SGCD: variants seen among roughly 807,000 people sequenced by gnomAD.
The protein encoded by SGCD is delta-sarcoglycan.
Under a neutral mutation model 36.6 loss-of-function variants are expected in SGCD, and 18 were observed. The ratio of observed to expected loss-of-function variants is 0.49; its 90% CI spans 0.34 to 0.73. The LOEUF (loss-of-function observed/expected upper bound fraction) is 0.73. Among genes scored for constraint, SGCD ranks in the 30% least tolerant of loss-of-function variants. SGCD has a pLI of 0.01. For missense variants in SGCD, 387 were observed against 346.7 expected (o/e 1.12, Z -0.92); for synonymous variants, 133 against 130.6 (o/e 1.02, Z -0.12).
chr5:156,441,273 G>A lies in SGCD; in HGVS notation c.193-67328G>A, dbSNP rs139700196. Among the ~76,000 whole-genome samples, 182 of 152,196 alleles carry A rather than the reference G, an allele frequency of 1.2e-3. 1 individual carries two copies. The highest frequency in any genetic ancestry group is 4.2e-3 in the African/African-American group (176 of 41,516). ...ATTGGTCATAGACACAGCGTTGGAG[G>A]CAAATAGACCTGAGTTTCAATCCAG... On this transcript the variant is annotated intron_variant, in intron 3 of 8. Coordinates refer to ENST00000337851, the MANE Select transcript of SGCD (RefSeq NM_000337.6).
intron 6 of SGCD, among the ~76,000 whole-genome samples, chr5:156,636,591 G>A (rs1439448290): frequency 6.6e-6 from 1 of 152,144 alleles, no homozygotes; most frequent in Non-Finnish European, 1.5e-5. Flanking sequence ...GATGGAAGTG[G>A]CATTTGACCT....
intron 7 of SGCD, among the ~76,000 whole-genome samples, chr5:156,726,985 A>G (rs1307966545): frequency 1.3e-5 from 2 of 152,336 alleles, no homozygotes; most frequent in East Asian, 1.9e-4. Flanking sequence ...ATTTAGTACT[A>G]TGGTAACACA....
At chr5:155,802,898 C>T in the SGCD span, among the ~76,000 whole-genome samples, 1 of 152,112 alleles carries the variant, frequency 6.6e-6, no homozygotes, top group Admixed American at 6.5e-5. Flanking sequence ...AATCAGTCTC[C>T]TTTGGGAGAA....
At chr5:156,198,836 G>T (rs192358169) in intron 3 of SGCD, among the ~76,000 whole-genome samples, 83 of 151,988 alleles carry the variant, frequency 5.5e-4, no homozygotes, top group African/African-American at 2.0e-3. Flanking sequence ...GGACTTTCCA[G>T]CCAATGGTGG....
chr5:156,127,459 G>T (rs1459417431), intron 3 of SGCD, among the ~76,000 whole-genome samples: 1 of 151,740 alleles, frequency 6.6e-6, no homozygotes, highest in Non-Finnish European at 1.5e-5. Flanking sequence ...GAAAATAAAA[G>T]AAAAGAAATT....
chr5:156,653,755 T>A (rs1763566369), intron 7 of SGCD, among the ~76,000 whole-genome samples: 1 of 152,058 alleles, frequency 6.6e-6, no homozygotes, highest in South Asian at 2.1e-4. Context: ...TTGGATATTG[T>A]GTAAATTGTT....
intron 6 of SGCD, among the ~76,000 whole-genome samples, chr5:156,639,802 C>G (rs1029144312): frequency 4.0e-5 from 6 of 151,788 alleles, no homozygotes; most frequent in African/African-American, 1.5e-4. Context: ...TCTGTGTTAC[C>G]CCATTCCTGG....
chr5:156,131,845 G>A (rs1762331531), intron 3 of SGCD, among the ~76,000 whole-genome samples: 1 of 152,130 alleles, frequency 6.6e-6, no homozygotes, highest in African/African-American at 2.4e-5. Flanking sequence ...TTAATTGTTT[G>A]GGAACATCGA....
chr5:156,380,978 CA>C (rs1216750346), intron 3 of SGCD, among the ~76,000 whole-genome samples: 1 of 152,134 alleles, frequency 6.6e-6, no homozygotes, highest in Non-Finnish European at 1.5e-5. Flanking sequence ...ACTTAGGAAA[CA>C]GAATAAATTG....
chr5:156,306,586 A>AT (rs969270586), intron 3 of SGCD, among the ~76,000 whole-genome samples: 2 of 152,170 alleles, frequency 1.3e-5, no homozygotes, highest in African/African-American at 4.8e-5. Context: ...AAGCACACAG[A>AT]TTTTTCCTCC....
chr5:156,227,292 AGGATCCAG>A (rs1764884990), intron 3 of SGCD, among the ~76,000 whole-genome samples: 1 of 152,108 alleles, frequency 6.6e-6, no homozygotes, highest in Middle Eastern at 3.2e-3. Flanking sequence ...GTAAGAGATG[AGGATCCAG>A]TTTTATTCTC....
At chr5:155,953,208 G>C (rs1275762502) in intron 1 of SGCD, among the ~76,000 whole-genome samples, 1 of 151,904 alleles carries the variant, frequency 6.6e-6, no homozygotes, top group Non-Finnish European at 1.5e-5. Flanking sequence ...TGCCTTTTTA[G>C]GGATCCTTAT....
At chr5:156,238,937 G>A (rs1356992564) in intron 3 of SGCD, among the ~76,000 whole-genome samples, 2 of 152,174 alleles carry the variant, frequency 1.3e-5, no homozygotes. Flanking sequence ...AGATATTGGG[G>A]TTTGGCCTGT....
intron 7 of SGCD, among the ~76,000 whole-genome samples, chr5:156,721,720 C>T (rs1298644355): frequency 6.6e-6 from 1 of 151,964 alleles, no homozygotes; most frequent in African/African-American, 2.4e-5. Context: ...AAGAGAAGAC[C>T]CAGAGTGTGA....
chr5:156,636,573 G>A (rs1250409448), intron 6 of SGCD, among the ~76,000 whole-genome samples: 1 of 152,170 alleles, frequency 6.6e-6, no homozygotes, highest in African/African-American at 2.4e-5. Context: ...AACCAGGGAA[G>A]GCTTCATGAT....
chr5:155,982,026 A>AATC (rs1758239364), intron 1 of SGCD, among the ~76,000 whole-genome samples: 1 of 152,090 alleles, frequency 6.6e-6, no homozygotes, highest in South Asian at 2.1e-4. Flanking sequence ...TCTCATTTGT[A>AATC]ATCTTCTAAA....
upstream of SGCD, among the ~76,000 whole-genome samples, chr5:156,324,603 A>G (rs1212094715): frequency 6.6e-6 from 1 of 152,224 alleles, no homozygotes; most frequent in Non-Finnish European, 1.5e-5. Flanking sequence ...AATGAGCCAC[A>G]TAACAAGTCT....
At chr5:156,320,700 A>G (rs1470696225) in intron 3 of SGCD, among the ~76,000 whole-genome samples, 1 of 152,244 alleles carries the variant, frequency 6.6e-6, no homozygotes, top group Non-Finnish European at 1.5e-5. Flanking sequence ...TACCATGTAT[A>G]TATTTGAATT....
chr5:156,129,478 A>C (rs1370191272), intron 3 of SGCD, among the ~76,000 whole-genome samples: 1 of 152,190 alleles, frequency 6.6e-6, no homozygotes, highest in Non-Finnish European at 1.5e-5. Flanking sequence ...CTATGACCCC[A>C]TCTTTTTCTT....
Sources: allele counts gnomAD v4.1 joint callset (sites outside exome capture counted in the v4.1 genomes callset), GRCh38; gene constraint gnomAD v4.1.1; transcripts MANE v1.5; gene names NCBI Gene and HGNC (gene_info 2026-07-23, HGNC 2026-07-21).